The following MAST4 variants were observed in gnomAD, a reference collection of about 807,000 sequenced individuals.
MAST4 encodes microtubule associated serine/threonine kinase family member 4, also known as microtubule-associated serine/threonine-protein kinase 4.
A neutral mutation model predicts 162.7 loss-of-function variants in MAST4; 89 were observed. The ratio of observed to expected loss-of-function variants is 0.55; its 90% CI spans 0.46 to 0.65. The LOEUF is 0.65. Ranked by LOEUF, MAST4 falls within the 30% of genes least tolerant of loss-of-function variation. The pLI is 0.00. For synonymous variants in MAST4, 1,479 were observed against 1,361.1 expected (o/e 1.09, Z -1.91); for missense variants, 3,153 against 3,374.0 (o/e 0.93, Z 1.62).
At position 66,618,124 on chromosome 5, in the gene MAST4, C is replaced by T. The variant is rs574729992; in HGVS notation, c.363+21106C>T. On this transcript the variant is annotated intron_variant, in intron 1 of 28. Transcript: ENST00000403625. ...CAGGGTTGTAGGAGCACCGGCCTCCCGCCCGTTGGCTTGTGGAGAAAGAGA... is the reference window on the plus strand; with the variant it reads ...CAGGGTTGTAGGAGCACCGGCCTCCTGCCCGTTGGCTTGTGGAGAAAGAGA... 2.1e-4 allele frequency among the ~76,000 whole-genome samples: 32 copies of T among 152,276 alleles called. No homozygotes were observed. In the South Asian group the frequency reaches 5.2e-3, roughly 25 times the overall value.
At chr5:66,884,076 G>A (rs1335097458) in intron 3 of MAST4, among the ~76,000 whole-genome samples, 3 of 152,070 alleles carry the variant, frequency 2.0e-5, no homozygotes, top group East Asian at 1.9e-4. Context: ...CATTTTTCTT[G>A]TGGTCATTCT....
rs752429972 is a variant in MAST4, at chr5:66,828,860, T to C, written c.642+40066T>C. 4 of 1,606,730 alleles carry C rather than the reference T, an allele frequency of 2.5e-6. No individual in the cohort carries two copies. Among genetic ancestry groups the C allele is most frequent in the Non-Finnish European group, 3.4e-6 (4 of 1,176,772 alleles). ...GAGGGTGAGATGGATGAGTCCAGCATTCTAAGACGAAGAGGGCTCCAGGTA... is the reference window on the plus strand; with the variant it reads ...GAGGGTGAGATGGATGAGTCCAGCACTCTAAGACGAAGAGGGCTCCAGGTA... On this transcript the variant is annotated intron_variant, in intron 3 of 28. Transcript: ENST00000403625.
chr5:67,091,423 T>G (rs1411971368), intron 6 of MAST4, among the ~76,000 whole-genome samples: 1 of 152,192 alleles, frequency 6.6e-6, no homozygotes, highest in Non-Finnish European at 1.5e-5. Flanking sequence ...TTGAGACCCA[T>G]ACACTGTTTT....
intron 4 of MAST4, among the ~76,000 whole-genome samples, chr5:67,035,250 G>A (rs1755867514): frequency 6.6e-6 from 1 of 152,086 alleles, no homozygotes; most frequent in Admixed American, 6.6e-5. Flanking sequence ...CCATTGGATT[G>A]TAATTTAAGG....
At chr5:66,993,920 A>ACCCCCCCCCCCCCC (rs55759396) in intron 4 of MAST4, among the ~76,000 whole-genome samples, 4 of 57,686 alleles carry the variant, frequency 6.9e-5, no homozygotes, top group Non-Finnish European at 6.8e-5. Flanking sequence ...TGTGCAGAAG[A>ACCCCCCCCCCCCCC]CCCCCCCCCC....
chr5:67,053,939 C>T (rs1205944058), intron 4 of MAST4, among the ~76,000 whole-genome samples: 1 of 152,144 alleles, frequency 6.6e-6, no homozygotes, highest in Non-Finnish European at 1.5e-5. Flanking sequence ...ATCAGCTATT[C>T]TATTGACAAA....
Position 66,596,550 on chromosome 5 carries a change from G to A in MAST4, c.-106G>A, listed in dbSNP as rs556518954. ...GCGGGGCTCCCTGCAGCCCGGGAGC[G>A]GCAGTGCCAGTGAGCCTGAGCCCAG... On this transcript the variant is annotated 5_prime_UTR_variant, in exon 1 of 29. Coordinates refer to ENST00000403625, the MANE Select transcript of MAST4 (RefSeq NM_001164664.2). 6.5e-6 allele frequency: 8 copies of A among 1,239,236 alleles called. No homozygotes were observed. The highest frequency in any genetic ancestry group is 8.2e-6 in the Non-Finnish European group (8 of 981,298). 76.8% of individuals were successfully genotyped at this position (1,239,236 alleles called of 1,614,324 possible).
rs143799934 is a variant in MAST4, at chr5:67,132,003, G to A, written c.2093+52G>A. The A allele has an allele frequency of 1.1e-3, 1,698 of 1,555,760 alleles. 5 individuals are homozygous for A. The highest frequency in any genetic ancestry group is 2.8e-3 in the Admixed American group (150 of 53,624). On this transcript the variant is annotated intron_variant, in intron 16 of 28. Coordinates refer to ENST00000403625, the MANE Select transcript of MAST4 (RefSeq NM_001164664.2). ...TTCTTTTGCCCAATACAAAGTTCTCGTATGTTTATAAAGATGTTTTCTTTT... is the reference window on the plus strand; with the variant it reads ...TTCTTTTGCCCAATACAAAGTTCTCATATGTTTATAAAGATGTTTTCTTTT...
intron 4 of MAST4, among the ~76,000 whole-genome samples, chr5:66,937,627 T>C (rs2150091966): frequency 6.6e-6 from 1 of 152,336 alleles, no homozygotes; most frequent in Middle Eastern, 3.4e-3. Flanking sequence ...TGCTCTTCTT[T>C]TACAGGTTTT....
Position 67,056,980 on chromosome 5 carries a change from G to C in MAST4, c.763+2488G>C, listed in dbSNP as rs935044567. On this transcript the variant is annotated intron_variant, in intron 5 of 28. Transcript: ENST00000403625. ...AGCCACCCAAAGTGCTGGGATCATA[G>C]GCACGAGCCACCGCACCGCACCCAG... 3.3e-5 allele frequency among the ~76,000 whole-genome samples: 5 copies of C among 152,128 alleles called. No homozygotes were observed. In the South Asian group the frequency reaches 1.0e-3, roughly 32 times the overall value.
At chr5:66,738,568 A>C (rs1752284261) in intron 1 of MAST4, among the ~76,000 whole-genome samples, 1 of 152,264 alleles carries the variant, frequency 6.6e-6, no homozygotes, top group East Asian at 1.9e-4. Flanking sequence ...ACAATAAGCC[A>C]GCAAGTAAAA....
At chr5:66,683,019 G>A (rs1400607218) in intron 1 of MAST4, among the ~76,000 whole-genome samples, 1 of 152,178 alleles carries the variant, frequency 6.6e-6, no homozygotes, top group African/African-American at 2.4e-5. Context: ...GGCCTTTGAA[G>A]GAAAGGAAGA....
chr5:67,054,061 CA>C (rs1758503232), intron 4 of MAST4, among the ~76,000 whole-genome samples: 1 of 152,162 alleles, frequency 6.6e-6, no homozygotes, highest in Admixed American at 6.5e-5. Flanking sequence ...AATTTTGTGT[CA>C]ACAAAGATGC....
chr5:67,148,157 C>G (rs1283972553), intron 23 of MAST4, among the ~76,000 whole-genome samples: 1 of 152,200 alleles, frequency 6.6e-6, no homozygotes, highest in South Asian at 2.1e-4. Context: ...GCTGGCCGCT[C>G]TTTCAAAGGA....
intron 11 of MAST4, among the ~76,000 whole-genome samples, chr5:67,110,990 C>T (rs1421761392): frequency 6.6e-6 from 1 of 152,098 alleles, no homozygotes; most frequent in East Asian, 1.9e-4. Flanking sequence ...CACCACTGCA[C>T]TCCAGCCTGA....
intron 4 of MAST4, among the ~76,000 whole-genome samples, chr5:66,959,779 G>T (rs538915752): frequency 6.6e-6 from 1 of 152,018 alleles, no homozygotes; most frequent in African/African-American, 2.4e-5. Flanking sequence ...ATGAACTGTG[G>T]TACATTTAGA....
intron 3 of MAST4, among the ~76,000 whole-genome samples, chr5:66,823,356 T>A (rs1414750799): frequency 6.6e-6 from 1 of 152,256 alleles, no homozygotes; most frequent in Non-Finnish European, 1.5e-5. Flanking sequence ...CTCTGAGTGT[T>A]GATTCCTCAT....
chr5:66,988,590 C>G (rs1749757333), intron 4 of MAST4, among the ~76,000 whole-genome samples: 1 of 152,152 alleles, frequency 6.6e-6, no homozygotes. Context: ...GAATAGGAAA[C>G]TAAGGTACTT....
rs548754469 is a variant in MAST4, at chr5:67,024,792, ACATGCTTC to A, written c.675-29608_675-29601del. 1.9e-4 allele frequency among the ~76,000 whole-genome samples: 29 copies of A among 151,924 alleles called. No individual in the cohort carries two copies. The South Asian group carries it at 5.8e-3, about 31-fold the overall frequency. ...CCCAGTGCCTCATTCAGTGCCTAGA[ACATGCTTC>A]CATTTTATGTTCTTTCTTTTGGGGA... On this transcript the variant is annotated intron_variant, in intron 4 of 28. Coordinates refer to ENST00000403625, the MANE Select transcript of MAST4 (RefSeq NM_001164664.2).
Sources: gnomAD v4.1 joint callset for allele counts (sites outside exome capture counted in the v4.1 genomes callset) on GRCh38, gnomAD v4.1.1 for gene constraint, MANE v1.5 for transcripts, NCBI Gene and HGNC (gene_info 2026-07-23, HGNC 2026-07-21) for gene names.